Variants in GRIN2A observed in about 807,000 individuals in gnomAD.
The protein encoded by GRIN2A is glutamate ionotropic receptor NMDA type subunit 2A.
In GRIN2A, 22 loss-of-function variants were observed where a neutral mutation model predicts 113.4. The observed-to-expected ratio is 0.19, with a 90% CI of 0.14 to 0.28. The LOEUF is 0.28. GRIN2A is among the 10% of genes least tolerant of loss of function. GRIN2A has a pLI of 1.00. For synonymous variants in GRIN2A, 827 were observed against 738.4 expected (o/e 1.12, Z -1.94); for missense variants, 1,502 against 1,887.0 (o/e 0.80, Z 3.78).
rs148141710 is a variant in GRIN2A at position 9,981,938 on chromosome 16, C to A, written c.415-43387G>T. ...AGTAGCTGGGATTACAGACATGTGC[C>A]ACCATGCCTAGCTAATTTTTGTATT... On this transcript the variant is annotated intron_variant, in intron 2 of 12. Coordinates refer to ENST00000330684, the MANE Select transcript of GRIN2A (RefSeq NM_001134407.3). Among the ~76,000 whole-genome samples, 460 of 152,200 alleles carry A rather than the reference C, an allele frequency of 3.0e-3. 6 individuals carry two copies. Among genetic ancestry groups the A allele is most frequent in the East Asian group, 0.022 (113 of 5,174 alleles).
At chr16:10,131,665 C>G (rs2049067042) in intron 2 of GRIN2A, among the ~76,000 whole-genome samples, 1 of 152,094 alleles carries the variant, frequency 6.6e-6, no homozygotes, top group Non-Finnish European at 1.5e-5. Flanking sequence ...GGAAGACTTC[C>G]TGGGAGACAT....
intron 12 of GRIN2A, among the ~76,000 whole-genome samples, chr16:9,768,105 A>G (rs1901030189): frequency 6.6e-6 from 1 of 151,990 alleles, no homozygotes; most frequent in Admixed American, 6.6e-5. Context: ...CCCAGGCTGG[A>G]GCTGGAGTTC....
chr16:9,960,474 C>T (rs977374533), intron 2 of GRIN2A, among the ~76,000 whole-genome samples: 4 of 152,222 alleles, frequency 2.6e-5, no homozygotes, highest in South Asian at 4.2e-4. Context: ...CCATAATTAG[C>T]CTGTTTCTTT....
chr16:10,160,330 G>A (rs998251092), intron 2 of GRIN2A, among the ~76,000 whole-genome samples: 3 of 152,204 alleles, frequency 2.0e-5, no homozygotes, highest in Admixed American at 6.5e-5. Flanking sequence ...GAGAACAGGA[G>A]CACACAGCAC....
chr16:10,176,860 A>AT (rs2050157758), intron 2 of GRIN2A, among the ~76,000 whole-genome samples: 1 of 152,242 alleles, frequency 6.6e-6, no homozygotes, highest in Admixed American at 6.5e-5. Flanking sequence ...AAAAATAAAA[A>AT]TAAAAAAAGT....
intron 10 of GRIN2A, among the ~76,000 whole-genome samples, chr16:9,804,086 C>G (rs957476576): frequency 2.0e-5 from 3 of 152,146 alleles, no homozygotes; most frequent in South Asian, 4.1e-4. Context: ...ATAGTCTACT[C>G]CAGTCCATCG....
chr16:10,149,879 T>C (rs1004017830), intron 2 of GRIN2A, among the ~76,000 whole-genome samples: 9 of 152,226 alleles, frequency 5.9e-5, no homozygotes, highest in African/African-American at 1.9e-4. Flanking sequence ...CCCAAACTGC[T>C]CTTTTAAAAA....
At chr16:9,997,275 G>T (rs2046241669) in intron 2 of GRIN2A, among the ~76,000 whole-genome samples, 1 of 152,134 alleles carries the variant, frequency 6.6e-6, no homozygotes, top group African/African-American at 2.4e-5. Flanking sequence ...GAGTCTAAAA[G>T]CTCTCACCAT....
chr16:9,820,743 G>A (rs1034956710), intron 10 of GRIN2A, among the ~76,000 whole-genome samples: 2 of 152,328 alleles, frequency 1.3e-5, no homozygotes, highest in Admixed American at 6.5e-5. Context: ...TTGACTGGAA[G>A]AGGGTGTGGG....
intron 2 of GRIN2A, among the ~76,000 whole-genome samples, chr16:10,063,284 G>A (rs2047585447): frequency 6.6e-6 from 1 of 152,126 alleles, no homozygotes; most frequent in Non-Finnish European, 1.5e-5. Flanking sequence ...CTTGGATGAT[G>A]GGACCATTCA....
At chr16:9,939,583 T>C (rs2044809991) in intron 2 of GRIN2A, among the ~76,000 whole-genome samples, 1 of 152,156 alleles carries the variant, frequency 6.6e-6, no homozygotes, top group Admixed American at 6.5e-5. Context: ...ATATACAAAC[T>C]GCCTTCATAC....
At chr16:10,108,629 T>G (rs2048544957) in intron 2 of GRIN2A, among the ~76,000 whole-genome samples, 1 of 152,190 alleles carries the variant, frequency 6.6e-6, no homozygotes, top group Non-Finnish European at 1.5e-5. Flanking sequence ...ACACACTTAG[T>G]GTACGATGTA....
intron 2 of GRIN2A, among the ~76,000 whole-genome samples, chr16:10,047,186 A>G (rs890115762): frequency 6.6e-6 from 1 of 152,254 alleles, no homozygotes; most frequent in African/African-American, 2.4e-5. Flanking sequence ...CCTGCCCTCA[A>G]GTAATTTATA....
intron 11 of GRIN2A, among the ~76,000 whole-genome samples, chr16:9,774,790 TA>T (rs1901496872): frequency 6.6e-6 from 1 of 152,248 alleles, no homozygotes; most frequent in African/African-American, 2.4e-5. Flanking sequence ...TGGCATACAC[TA>T]ATTACAAAAT....
rs113964229 is a variant in GRIN2A, at chr16:9,869,427, T to C, written c.1123-19466A>G. Reference sequence around the variant, plus strand: ...CAGCCTGGGCAACAGAGCAAGACTCTGTCTCTAAATAAATAAAACAGACAA... The same window carrying C: ...CAGCCTGGGCAACAGAGCAAGACTCCGTCTCTAAATAAATAAAACAGACAA... On this transcript the variant is annotated intron_variant, in intron 4 of 12. Transcript: ENST00000330684. 2.3e-3 allele frequency among the ~76,000 whole-genome samples: 347 copies of C among 152,268 alleles called. 1 individual carries two copies. The highest frequency in any genetic ancestry group is 8.0e-3 in the African/African-American group (333 of 41,562).
chr16:10,011,429 C>T (rs2046503179), intron 2 of GRIN2A, among the ~76,000 whole-genome samples: 1 of 152,164 alleles, frequency 6.6e-6, no homozygotes, highest in Non-Finnish European at 1.5e-5. Context: ...TATTCTATTT[C>T]CTTTTGCCTT....
chr16:10,100,980 G>A (rs182119158), intron 2 of GRIN2A, among the ~76,000 whole-genome samples: 1 of 152,316 alleles, frequency 6.6e-6, no homozygotes, highest in East Asian at 1.9e-4. Context: ...AGCCACTGGG[G>A]GTGCAGGTTA....
At chr16:9,801,294 G>C (rs1903346731) in intron 10 of GRIN2A, among the ~76,000 whole-genome samples, 1 of 152,162 alleles carries the variant, frequency 6.6e-6, no homozygotes, top group Non-Finnish European at 1.5e-5. Context: ...TAGAAACTTG[G>C]TTTTATTTAG....
chr16:10,024,003 G>A (rs575822279), intron 2 of GRIN2A, among the ~76,000 whole-genome samples: 1 of 152,314 alleles, frequency 6.6e-6, no homozygotes, highest in East Asian at 1.9e-4. Flanking sequence ...GGGGCTTAGA[G>A]AGGTTAAATG....
Sources: allele counts gnomAD v4.1 joint callset (sites outside exome capture counted in the v4.1 genomes callset), GRCh38; gene constraint gnomAD v4.1.1; transcripts MANE v1.5; gene names NCBI Gene and HGNC (gene_info 2026-07-23, HGNC 2026-07-21).